Variants in RIC1 observed in about 807,000 individuals in gnomAD.
The protein encoded by RIC1 is guanine nucleotide exchange factor subunit RIC1.
A neutral mutation model predicts 169.0 loss-of-function variants in RIC1; 88 were observed. The observed-to-expected ratio is 0.52, with a 90% CI of 0.44 to 0.62. RIC1 has a LOEUF of 0.62. Ranked by LOEUF, RIC1 falls within the 20% of genes least tolerant of loss-of-function variation. The probability of loss-of-function intolerance (pLI) is 0.00; values close to 1 mark genes in which losing one functional copy is unlikely to be tolerated. For missense variants in RIC1, 1,877 were observed against 1,725.5 expected (o/e 1.09, Z -1.56); for synonymous variants, 790 against 601.5 (o/e 1.31, Z -4.59).
At chr9:5,666,615 A>G (rs1819779894) in intron 2 of RIC1, among the ~76,000 whole-genome samples, 1 of 152,056 alleles carries the variant, frequency 6.6e-6, no homozygotes, top group African/African-American at 2.4e-5. Context: ...ATTTTGTCAA[A>G]TGCTCTCTTT....
intron 3 of RIC1, among the ~76,000 whole-genome samples, chr9:5,704,992 A>C (rs1205676828): frequency 6.6e-6 from 1 of 152,178 alleles, no homozygotes; most frequent in Non-Finnish European, 1.5e-5. Flanking sequence ...GTTTATTATT[A>C]GGCTCTTAAT....
rs1201912912 is a variant in RIC1 at position 5,629,121 on chromosome 9, C to G, written c.-189C>G. On this transcript the variant is annotated 5_prime_UTR_variant, in exon 1 of 26. Coordinates refer to ENST00000414202, the MANE Select transcript of RIC1 (RefSeq NM_020829.4). ...TTCCCTCCCCCACACTCGGCCCCGT[C>G]AGCTTGGGGGTGCCTTCGTCGCGCA... The G allele has an allele frequency of 1.5e-5, 6 of 409,642 alleles. No homozygotes were observed. In the East Asian group the frequency reaches 2.1e-4, roughly 14 times the overall value. 25.4% of individuals were successfully genotyped at this position (409,642 alleles called of 1,614,324 possible). A position where few individuals can be genotyped will look rare whatever the true frequency, so the allele number is the denominator to read the frequency against.
At position 5,713,876 on chromosome 9, in the gene RIC1, C is replaced by G. The variant is rs1587000168; in HGVS notation, c.333-20C>G. 2 of 1,555,646 alleles carry G rather than the reference C, an allele frequency of 1.3e-6. No individual in the cohort carries two copies. The highest frequency in any genetic ancestry group is 4.5e-5 in the East Asian group (2 of 44,490). ...AGGCAAATTCAGCATCTTTCTTTAA[C>G]TCTATGCTGTTTGTTTTAGAGGAAG... On this transcript the variant is annotated intron_variant, in intron 3 of 25. Transcript: ENST00000414202.
chr9:5,698,430 G>A (rs1481020060), intron 3 of RIC1, among the ~76,000 whole-genome samples: 14 of 152,160 alleles, frequency 9.2e-5, no homozygotes. Flanking sequence ...CCCTTTAAGG[G>A]CCACTCATTA....
chr9:5,632,850 C>T (rs1169517314), intron 1 of RIC1, among the ~76,000 whole-genome samples: 1 of 152,134 alleles, frequency 6.6e-6, no homozygotes, highest in African/African-American at 2.4e-5. Context: ...TATATGTGAA[C>T]ATCAGAATGG....
intron 1 of RIC1, among the ~76,000 whole-genome samples, chr9:5,655,399 C>G (rs1023499655): frequency 6.6e-6 from 1 of 152,082 alleles, no homozygotes; most frequent in African/African-American, 2.4e-5. Context: ...CTCTCAGGTT[C>G]AAGTGATTCT....
intron 1 of RIC1, among the ~76,000 whole-genome samples, chr9:5,631,039 AAAAGT>A (rs1817690739): frequency 1.3e-5 from 2 of 152,248 alleles, no homozygotes; most frequent in Admixed American, 6.5e-5. Flanking sequence ...AATTTTAAAT[AAAAGT>A]AAACAATATG....
intron 2 of RIC1, among the ~76,000 whole-genome samples, chr9:5,684,961 T>C (rs2130674518): frequency 6.6e-6 from 1 of 152,306 alleles, no homozygotes; most frequent in Admixed American, 6.5e-5. Context: ...TAAGGTAAAT[T>C]ACATGTATTT....
At position 5,772,690 on chromosome 9, in the gene RIC1, T is replaced by C; in HGVS notation, c.3743T>C (p.Ile1248Thr). 6.2e-7 allele frequency: 1 copy of C among 1,613,638 alleles called. No homozygotes were observed. Among genetic ancestry groups the C allele is most frequent in the Non-Finnish European group, 8.5e-7 (1 of 1,179,836 alleles). Residue 1248 changes from isoleucine to threonine, a missense_variant, in exon 24 of 26, where the codon ATT (isoleucine) becomes ACT (threonine). Coordinates refer to ENST00000414202, the MANE Select transcript of RIC1 (RefSeq NM_020829.4). ...LSLTQSELEHISMELASKGPH... is the reference protein window; with the variant it reads ...LSLTQSELEHTSMELASKGPH... ...TTAACTCAGTCAGAGCTGGAGCACA[T>C]TTCCATGGAGTTGGCCAGTAAAGGG...
At chr9:5,720,593 T>G (rs747391234) in intron 5 of RIC1, 21 bp from the exon 6 acceptor site, 1 of 1,572,050 alleles carries the variant, frequency 6.4e-7, no homozygotes, top group Admixed American at 2.1e-5. Flanking sequence ...TCCTATTTCA[T>G]GTGCTTATTT....
intron 2 of RIC1, among the ~76,000 whole-genome samples, chr9:5,686,388 C>T (rs1340596262): frequency 6.6e-6 from 1 of 151,958 alleles, no homozygotes; most frequent in Non-Finnish European, 1.5e-5. Context: ...AAATGTCCAA[C>T]AATGATAGAC....
intron 23 of RIC1, among the ~76,000 whole-genome samples, chr9:5,771,911 C>G (rs1221995291): frequency 1.3e-5 from 2 of 152,116 alleles, no homozygotes; most frequent in Non-Finnish European, 2.9e-5. Context: ...GACATATTAT[C>G]TATAAATATT....
chr9:5,776,510 T>C lies in RIC1; in HGVS notation c.*2264T>C, dbSNP rs1343551038. The stretch of plus-strand genomic sequence containing the variant: ...ATTAAAGTTGCTGCTATTTCTGTAA[T>C]GTGTATTTTTCTCCCCTTGGTAAAG... On this transcript the variant is annotated 3_prime_UTR_variant, in exon 26 of 26. Coordinates refer to ENST00000414202, the MANE Select transcript of RIC1 (RefSeq NM_020829.4). The C allele has an allele frequency of 2.0e-5, 3 of 152,096 alleles. No homozygotes were observed. Among genetic ancestry groups the C allele is most frequent in the South Asian group, 4.1e-4 (2 of 4,832 alleles). The allele number at this position is 152,096 out of a possible 1,614,324, so 9.4% of individuals were successfully genotyped here.
At chr9:5,635,746 T>A (rs1817942529) in intron 1 of RIC1, among the ~76,000 whole-genome samples, 2 of 152,184 alleles carry the variant, frequency 1.3e-5, no homozygotes, top group Admixed American at 6.5e-5. Flanking sequence ...GTTCTTGTGA[T>A]AGTAAGTTCT....
At position 5,742,928 on chromosome 9, in the gene RIC1, G is replaced by C; in HGVS notation, c.961G>C (p.Val321Leu). 6.2e-7 allele frequency: 1 copy of C among 1,613,324 alleles called. No homozygotes were observed. Among genetic ancestry groups the C allele is most frequent in the African/African-American group, 1.3e-5 (1 of 74,992 alleles). The change falls in exon 9 of 26, where the codon GTA becomes CTA. Residue 321 changes from valine (V) to leucine (L), a missense_variant. This residue lies in a region of RIC1 where 1,104 missense variants were observed against 992.0 expected (regional missense o/e 1.11). Transcript: ENST00000414202. ...GAGATGGTCTCCTGACAATAGTGTT[G>C]TAATAGTGACCTGGGAATACGGAGG... ...LMRWSPDNSVVIVTWEYGGLS... is the reference protein window; with the variant it reads ...LMRWSPDNSVLIVTWEYGGLS...
At chr9:5,696,044 T>C (rs970312961) in intron 3 of RIC1, among the ~76,000 whole-genome samples, 8 of 152,200 alleles carry the variant, frequency 5.3e-5, no homozygotes, top group Admixed American at 5.2e-4. Flanking sequence ...GTTTCTTCAC[T>C]TTACATATTT....
chr9:5,649,387 C>G (rs1219530107), intron 1 of RIC1, among the ~76,000 whole-genome samples: 8 of 151,960 alleles, frequency 5.3e-5, no homozygotes, highest in Non-Finnish European at 2.9e-5. Context: ...TTTGTTCATT[C>G]TTATTTATTC....
chr9:5,643,536 C>T (rs1361326580), intron 1 of RIC1, among the ~76,000 whole-genome samples: 2 of 152,068 alleles, frequency 1.3e-5, no homozygotes, highest in East Asian at 1.9e-4. Flanking sequence ...AATATGGTTT[C>T]CTGCCAAACT....
At chr9:5,692,940 G>A (rs925340426) in intron 3 of RIC1, among the ~76,000 whole-genome samples, 3 of 152,080 alleles carry the variant, frequency 2.0e-5, no homozygotes, top group Non-Finnish European at 4.4e-5. Context: ...GAGAGGCAGA[G>A]TAACTCACCC....
Sources: allele counts gnomAD v4.1 joint callset (sites outside exome capture counted in the v4.1 genomes callset), GRCh38; gene constraint gnomAD v4.1.1; regional missense constraint gnomAD v4.1.1; transcripts MANE v1.5; gene names NCBI Gene and HGNC (gene_info 2026-07-23, HGNC 2026-07-21).